TBC1D22A: variants seen among roughly 807,000 people sequenced by gnomAD.
TBC1D22A encodes TBC1 domain family member 22A, also known as putative GTPase activator.
Under a neutral mutation model 60.2 loss-of-function variants are expected in TBC1D22A, and 38 were observed. The observed-to-expected ratio is 0.63, with a 90% CI of 0.49 to 0.83. The LOEUF is 0.83. Ranked by LOEUF, TBC1D22A falls within the 40% of genes least tolerant of loss-of-function variation. The pLI, the probability that TBC1D22A is intolerant of heterozygous loss-of-function variation, is 0.00. For synonymous variants in TBC1D22A, 302 were observed against 281.7 expected, an observed-to-expected ratio of 1.07 and a Z score of -0.72; for missense variants, 628 against 701.0, an observed-to-expected ratio of 0.90 and a Z score of 1.18.
chr22:47,031,488 G>C (rs1293088683), intron 10 of TBC1D22A, among the ~76,000 whole-genome samples: 1 of 152,252 alleles, frequency 6.6e-6, no homozygotes, highest in Non-Finnish European at 1.5e-5. Flanking sequence ...CGCTGTGTCC[G>C]GTTTTCTGGT....
chr22:46,891,316 A>G lies in TBC1D22A; in HGVS notation c.759A>G (p.Lys253=). The G allele has an allele frequency of 6.2e-7, 1 of 1,613,612 alleles. No individual in the cohort carries two copies. Among genetic ancestry groups the G allele is most frequent in the Non-Finnish European group, 8.5e-7 (1 of 1,179,882 alleles). The change falls in exon 6 of 13, where the codon AAA becomes AAG. Residue 253 remains lysine, a synonymous_variant. Coordinates refer to ENST00000337137, the MANE Select transcript of TBC1D22A (RefSeq NM_014346.5). ...GGAGACCAGCCACTCTCCAGAGAAA[A>G]CAAAAAGAATATTTTGCATTTATTG... ...VDRRPATLQR[K]QKEYFAFIEH... is the part of the protein sequence containing the mutation.
intron 11 of TBC1D22A, among the ~76,000 whole-genome samples, chr22:47,062,191 T>A (rs1257961653): frequency 6.6e-6 from 1 of 151,584 alleles, no homozygotes; most frequent in Non-Finnish European, 1.5e-5. Flanking sequence ...TCCGGCAGTG[T>A]GGACCCTGGA....
intron 8 of TBC1D22A, chr22:46,913,470 C>T (rs1350303496): frequency 1.5e-6 from 2 of 1,344,038 alleles, no homozygotes; most frequent in Non-Finnish European, 2.0e-6. Context: ...CTGCAGCCCT[C>T]TGACACTTTG....
At chr22:47,093,405 T>C (rs1036281950) in intron 11 of TBC1D22A, among the ~76,000 whole-genome samples, 13 of 152,060 alleles carry the variant, frequency 8.5e-5, no homozygotes, top group Non-Finnish European at 1.0e-4. Context: ...ATTTTTCTGG[T>C]TTAAGGATCC....
At chr22:46,995,136 C>T (rs1288905093) in intron 9 of TBC1D22A, among the ~76,000 whole-genome samples, 1 of 152,166 alleles carries the variant, frequency 6.6e-6, no homozygotes, top group Non-Finnish European at 1.5e-5. Flanking sequence ...CCTGAATCAG[C>T]CCACGACATC....
intron 10 of TBC1D22A, among the ~76,000 whole-genome samples, chr22:47,005,254 C>T (rs2061546652): frequency 6.6e-6 from 1 of 151,544 alleles, no homozygotes; most frequent in Non-Finnish European, 1.5e-5. Context: ...CACCACTATA[C>T]ACACACCCCC....
chr22:46,779,025 C>T (rs1044103037), intron 1 of TBC1D22A, among the ~76,000 whole-genome samples: 1 of 152,162 alleles, frequency 6.6e-6, no homozygotes, highest in Non-Finnish European at 1.5e-5. Context: ...GCCTGAATGA[C>T]AAGAGCAAAA....
intron 11 of TBC1D22A, among the ~76,000 whole-genome samples, chr22:47,089,002 C>T (rs1569434183): frequency 6.6e-6 from 1 of 152,086 alleles, no homozygotes; most frequent in African/African-American, 2.4e-5. Flanking sequence ...ATAAACTAGC[C>T]AGAACTAGAG....
intron 4 of TBC1D22A, among the ~76,000 whole-genome samples, chr22:46,812,938 C>T (rs987151227): frequency 2.6e-5 from 4 of 152,092 alleles, no homozygotes; most frequent in Non-Finnish European, 4.4e-5. Context: ...GTGGCGTGTA[C>T]GGTCTCTTTC....
intron 3 of TBC1D22A, among the ~76,000 whole-genome samples, chr22:46,794,616 T>C (rs1184958797): frequency 9.5e-6 from 1 of 105,126 alleles, no homozygotes; most frequent in Non-Finnish European, 2.4e-5. Context: ...GGCAAGTCCA[T>C]TCTGGTGAGA....
At chr22:47,134,447 C>T (rs2066786641) in intron 12 of TBC1D22A, among the ~76,000 whole-genome samples, 1 of 152,332 alleles carries the variant, frequency 6.6e-6, no homozygotes, top group East Asian at 1.9e-4. Flanking sequence ...GGTAGCCCAC[C>T]GCCCCTCGCC....
chr22:46,923,323 G>A (rs890116857), intron 8 of TBC1D22A, among the ~76,000 whole-genome samples: 1 of 152,218 alleles, frequency 6.6e-6, no homozygotes, highest in African/African-American at 2.4e-5. Flanking sequence ...TACTTTCTCT[G>A]CTCCCAAGAG....
At chr22:46,910,844 C>T (rs538847454) in intron 7 of TBC1D22A, among the ~76,000 whole-genome samples, 1 of 148,438 alleles carries the variant, frequency 6.7e-6, no homozygotes, top group African/African-American at 2.6e-5. Flanking sequence ...TCAGGGGGAT[C>T]GAGACCCAGG....
chr22:47,166,831 A>G (rs114275710), intron 12 of TBC1D22A, among the ~76,000 whole-genome samples: 354 of 152,324 alleles, frequency 2.3e-3, no homozygotes, highest in African/African-American at 8.2e-3. Context: ...TGGAGGAGAG[A>G]GGCCGGGGTA....
At chr22:46,781,140 G>GTT (rs377531996) in intron 1 of TBC1D22A, among the ~76,000 whole-genome samples, 3,146 of 128,884 alleles carry the variant, frequency 0.024, 81 homozygotes, top group African/African-American at 0.051. Context: ...TCCCAATTTT[G>GTT]TTTTTTTTTT....
chr22:46,902,408 A>C (rs2147694208), intron 7 of TBC1D22A, among the ~76,000 whole-genome samples: 1 of 152,402 alleles, frequency 6.6e-6, no homozygotes, highest in East Asian at 1.9e-4. Context: ...AAAGACGTGA[A>C]CATCAAGAAT....
chr22:46,984,048 G>A (rs938566182), intron 9 of TBC1D22A, among the ~76,000 whole-genome samples: 4 of 151,916 alleles, frequency 2.6e-5, no homozygotes, highest in African/African-American at 7.3e-5. Flanking sequence ...TCTCTCTGGG[G>A]GTTTAAACTT....
rs1349358761 is a variant in TBC1D22A, at chr22:46,929,712, G to A, written c.1015+17524G>A. On this transcript the variant is annotated intron_variant, in intron 8 of 12. Coordinates refer to ENST00000337137, the MANE Select transcript of TBC1D22A (RefSeq NM_014346.5). ...AGCAAAGACAAGGGTGTGTGTGTGT[G>A]TGTGCGTGTGCGTGTGTGCATGCAT... Among the ~76,000 whole-genome samples, 4 of 151,900 alleles carry A rather than the reference G, an allele frequency of 2.6e-5. 1 individual carries two copies. In the East Asian group the frequency reaches 5.8e-4, roughly 22 times the overall value.
intron 8 of TBC1D22A, among the ~76,000 whole-genome samples, chr22:46,944,434 C>T (rs567258017): frequency 1.2e-4 from 19 of 152,156 alleles, no homozygotes; most frequent in East Asian, 1.9e-4. Context: ...AGTCTTGCTC[C>T]GTCTCCCAGG....
Sources: gnomAD v4.1 joint callset for allele counts (sites outside exome capture counted in the v4.1 genomes callset) on GRCh38, gnomAD v4.1.1 for gene constraint, MANE v1.5 for transcripts, NCBI Gene and HGNC (gene_info 2026-07-23, HGNC 2026-07-21) for gene names.